Variants in PPP6R1 observed in about 807,000 individuals in gnomAD.
PPP6R1 encodes the protein protein phosphatase 6 regulatory subunit 1.
PPP6R1 carries 39 observed loss-of-function variants against 104.6 expected under a neutral mutation model. The observed-to-expected ratio is 0.37, with a 90% confidence interval of 0.29 to 0.49. PPP6R1 has a LOEUF of 0.49. PPP6R1 is among the 20% of genes least tolerant of loss of function. The probability of loss-of-function intolerance (pLI) is 0.98; values close to 1 mark genes in which losing one functional copy is unlikely to be tolerated. For synonymous variants in PPP6R1, 549 were observed against 479.0 expected (o/e 1.15, Z -1.91); for missense variants, 1,181 against 1,155.8 (o/e 1.02, Z -0.32).
chr19:55,242,312 G>C, intron 6 of PPP6R1, 33 bp from the exon 7 acceptor site: 1 of 1,613,186 alleles, frequency 6.2e-7, no homozygotes, highest in Non-Finnish European at 8.5e-7. Context: ...CAGGGTGAGG[G>C]GCCAGGGGCC....
chr19:55,231,974 A>T lies in PPP6R1; in HGVS notation c.2134T>A (p.Trp712Arg). The change falls in exon 19 of 24, where the codon TGG becomes AGG. Residue 712 changes from tryptophan (W) to arginine (R), a missense_variant. Coordinates refer to ENST00000412770, the MANE Select transcript of PPP6R1 (RefSeq NM_014931.4). ...SPGPQPPGPS[W>R]TATFDPVPTD... ...GGCACTGGGTCAAAGGTGGCTGTCC[A>T]GCTGGGGCCTGGGATAGAGGTGGGG... 6.3e-7 allele frequency: 1 copy of T among 1,599,814 alleles called. No homozygotes were observed. The highest frequency in any genetic ancestry group is 8.5e-7 in the Non-Finnish European group (1 of 1,170,364).
chr19:55,254,217 C>T (rs925341330), intron 1 of PPP6R1, among the ~76,000 whole-genome samples: 144 of 152,364 alleles, frequency 9.5e-4, no homozygotes, highest in African/African-American at 3.3e-3. Flanking sequence ...CTTTTAGCAA[C>T]TTCAAGAAAG....
chr19:55,240,572 GAC>G (rs755636693), intron 10 of PPP6R1, among the ~76,000 whole-genome samples: 3 of 146,692 alleles, frequency 2.0e-5, no homozygotes, highest in East Asian at 4.0e-4. Context: ...TGCACTAACG[GAC>G]ACACACATGC....
rs1181217247 is a variant in PPP6R1, at chr19:55,230,850, A to T, written c.2494T>A (p.Ser832Thr). ...GTCTGGGGGGGCTGGTGGGCCCCGG[A>T]GGCTGGGACAGAGGTAGAGGGGTCT... ...TRDPSTSVPA[S>T]GAHQPPQTTE... The change falls in exon 22 of 24, where the codon TCC becomes ACC. Residue 832 changes from serine (S) to threonine (T), a missense_variant. Physicochemically the swap from Ser to Thr is moderately conservative, Grantham distance 58. Around this residue, in one of 2 missense-constraint regions of PPP6R1, gnomAD observed 1,042 missense variants for 955.6 expected, o/e 1.09. Coordinates refer to ENST00000412770, the MANE Select transcript of PPP6R1 (RefSeq NM_014931.4). 4 of 1,604,370 alleles carry T rather than the reference A, an allele frequency of 2.5e-6. No individual in the cohort carries two copies. The highest frequency in any genetic ancestry group is 2.2e-5 in the South Asian group (2 of 90,842).
Position 55,242,412 on chromosome 19 carries a change from C to T in PPP6R1, c.695G>A (p.Ser232Asn), listed in dbSNP as rs1334147185. The T allele has an allele frequency of 6.2e-7, 1 of 1,613,986 alleles. No individual in the cohort carries two copies. Among genetic ancestry groups the T allele is most frequent in the Non-Finnish European group, 8.5e-7 (1 of 1,179,842 alleles). ...GGCCAGCAGTTGGTCAGGCTCTGGG[C>T]TGTCCTGGACTTGGATCATCTGCTC... ...SREQMIQVQDSPEPDQLLATL... is the reference protein window; with the variant it reads ...SREQMIQVQDNPEPDQLLATL... The change falls in exon 6 of 24, where the codon AGC becomes AAC. Residue 232 changes from serine to asparagine, a missense_variant. By Grantham distance (46) the Ser-to-Asn change is conservative. Around this residue, in one of 2 missense-constraint regions of PPP6R1, gnomAD observed 1,042 missense variants for 955.6 expected, o/e 1.09. Transcript: ENST00000412770.
chr19:55,228,758 C>G (rs750601826), downstream of PPP6R1: 4 of 1,612,442 alleles, frequency 2.5e-6, no homozygotes, highest in African/African-American at 5.3e-5. Context: ...CTGATAGCCC[C>G]AGAGCGACCT....
At position 55,247,108 on chromosome 19, in the gene PPP6R1, C is replaced by T. The variant is rs1568949786; in HGVS notation, c.-5G>A. 3 of 1,611,898 alleles carry T rather than the reference C, an allele frequency of 1.9e-6. No homozygotes were observed. Among genetic ancestry groups the T allele is most frequent in the Non-Finnish European group, 2.5e-6 (3 of 1,179,334 alleles). The stretch of plus-strand genomic sequence containing the variant: ...CAGGTCAAACTTCCAAAACATGGCG[C>T]CCTGCAGGCATAGACACAACCAGCG... On this transcript the variant is annotated splice_region_variant and 5_prime_UTR_variant, in exon 2 of 24. Coordinates refer to ENST00000412770, the MANE Select transcript of PPP6R1 (RefSeq NM_014931.4).
At chr19:55,231,014 C>G (rs1172351971) in intron 21 of PPP6R1, 130 bp from the exon 22 acceptor site, 4 of 769,090 alleles carry the variant, frequency 5.2e-6, no homozygotes, top group Non-Finnish European at 2.1e-6. Flanking sequence ...GGAGGGGCCT[C>G]CCGAGGACGC....
In PPP6R1 at chr19:55,245,346, A is replaced by G. The variant is rs2087498063; in HGVS notation, c.471T>C (p.Ile157=). 6.2e-7 allele frequency: 1 copy of G among 1,612,518 alleles called. No homozygotes were observed. Among genetic ancestry groups the G allele is most frequent in the Non-Finnish European group, 8.5e-7 (1 of 1,179,398 alleles). ...DDFVDLLLQH[I]GTSAIMDLLL... is the part of the protein sequence containing the mutation. ...GGAGGTCCATGATGGCCGAGGTGCCAATGTGCTGCAGCAGCAGGTCCACGA... is the reference window on the plus strand; with the variant it reads ...GGAGGTCCATGATGGCCGAGGTGCCGATGTGCTGCAGCAGCAGGTCCACGA... The change falls in exon 4 of 24, where the codon ATT becomes ATC. Residue 157 remains isoleucine, a synonymous_variant. Transcript: ENST00000412770. The surrounding 1 kb of genome is among the most constrained non-coding windows in gnomAD (Gnocchi z 6.4).
intron 17 of PPP6R1, 65 bp downstream of exon 17, chr19:55,236,577 TG>T: frequency 6.9e-7 from 1 of 1,439,810 alleles, no homozygotes. Flanking sequence ...CCAAATGTGT[TG>T]GGGGGACCCC....
intron 1 of PPP6R1, among the ~76,000 whole-genome samples, chr19:55,252,334 T>C (rs2087559887): frequency 7.0e-6 from 1 of 142,436 alleles, no homozygotes; most frequent in Non-Finnish European, 1.5e-5. Context: ...GGTTCAAGCA[T>C]ATCTCCTGCC....
chr19:55,234,178 C>T (rs1246257682), intron 17 of PPP6R1, among the ~76,000 whole-genome samples: 1 of 152,118 alleles, frequency 6.6e-6, no homozygotes, highest in African/African-American at 2.4e-5. Flanking sequence ...AACTCCTGAC[C>T]TCAGGTGATC....
intron 1 of PPP6R1, among the ~76,000 whole-genome samples, chr19:55,249,112 C>A (rs769890441): frequency 6.6e-6 from 1 of 152,158 alleles, no homozygotes; most frequent in Non-Finnish European, 1.5e-5. Context: ...ACAGTCATGG[C>A]GGCAGCAGGA....
At chr19:55,243,041 AG>A (rs1242825478) in intron 5 of PPP6R1, among the ~76,000 whole-genome samples, 45 of 152,158 alleles carry the variant, frequency 3.0e-4, no homozygotes, top group Admixed American at 2.9e-3. Flanking sequence ...TAATGAACAC[AG>A]GGCATCTTTT....
At chr19:55,230,739 C>A in intron 22 of PPP6R1, 35 bp downstream of exon 22, 2 of 1,457,436 alleles carry the variant, frequency 1.4e-6, no homozygotes, top group Non-Finnish European at 1.8e-6. Context: ...ACCAGCCCCA[C>A]CCCCACCCCC....
At position 55,230,158 on chromosome 19, in the gene PPP6R1, C is replaced by T. The variant is rs2087326278; in HGVS notation, c.*370G>A. 4.3e-6 allele frequency: 1 copy of T among 232,868 alleles called. No individual in the cohort carries two copies. Among genetic ancestry groups the T allele is most frequent in the Non-Finnish European group, 8.5e-6 (1 of 118,216 alleles). The allele number at this position is 232,868 out of a possible 1,614,324, so 14.4% of individuals were successfully genotyped here. A position where few individuals can be genotyped will look rare whatever the true frequency, so the allele number is the denominator to read the frequency against. ...GCAACCTTGGGACCCCTAACACCAG[C>T]TCCCGCTGGGACGGAACAGGGAAGG... On this transcript the variant is annotated 3_prime_UTR_variant, in exon 24 of 24. Coordinates refer to ENST00000412770, the MANE Select transcript of PPP6R1 (RefSeq NM_014931.4).
rs1600103450 is a variant in PPP6R1, at chr19:55,232,190, A to C, written c.2010T>G (p.Ser670Arg). 2 of 1,556,182 alleles carry C rather than the reference A, an allele frequency of 1.3e-6. No individual in the cohort carries two copies. The highest frequency in any genetic ancestry group is 1.2e-5 in the South Asian group (1 of 84,202). Residue 670 changes from serine (S) to arginine (R), a missense_variant, in exon 18 of 24, where the codon AGT (serine) becomes AGG (arginine). By Grantham distance (110) the Ser-to-Arg change is moderately radical. Around this residue, in one of 2 missense-constraint regions of PPP6R1, gnomAD observed 1,042 missense variants for 955.6 expected, o/e 1.09. Transcript: ENST00000412770. ...CCTCGTCCTCCTCTTCTTCGTCCTC[A>C]CTGTCTGTGCTGCCTCCACTCCTGC... is the stretch of plus-strand genomic sequence containing the variant. ...PGVRSGGSTD[S>R]EDEEEEDEEE...
intron 1 of PPP6R1, among the ~76,000 whole-genome samples, chr19:55,249,103 C>G (rs997199527): frequency 6.6e-6 from 1 of 152,220 alleles, no homozygotes. Context: ...TGACCAACGA[C>G]AGTCATGGCG....
intron 1 of PPP6R1, among the ~76,000 whole-genome samples, chr19:55,248,228 T>C (rs578232430): frequency 1.8e-4 from 28 of 152,298 alleles, no homozygotes; most frequent in African/African-American, 5.8e-4. Context: ...ATGTGTGCTG[T>C]GCACATGATG....
Sources: gnomAD v4.1 joint callset for allele counts (sites outside exome capture counted in the v4.1 genomes callset) on GRCh38, gnomAD v4.1.1 for gene constraint, gnomAD v4.1.1 regional missense constraint, Gnocchi (gnomAD v3.1) non-coding constraint, MANE v1.5 for transcripts, NCBI Gene and HGNC (gene_info 2026-07-23, HGNC 2026-07-21) for gene names.